The following CD96 variants were observed in gnomAD, a reference collection of about 807,000 sequenced individuals.
The protein encoded by CD96 is CD96 molecule, also known as T-cell surface protein tactile.
In CD96, 70 loss-of-function variants were observed where a neutral mutation model predicts 71.3. The ratio of observed to expected loss-of-function variants is 0.98; its 90% CI spans 0.81 to 1.20. CD96 has a LOEUF of 1.20. Ranked by LOEUF, CD96 falls within the 50% of genes most tolerant of loss-of-function variation. The pLI is 0.00. For synonymous variants in CD96, 248 were observed against 233.0 expected (o/e 1.06, Z -0.59); for missense variants, 742 against 677.5 (o/e 1.10, Z -1.06).
chr3:111,595,973 C>G (rs1358228389), intron 5 of CD96, among the ~76,000 whole-genome samples: 1 of 151,770 alleles, frequency 6.6e-6, no homozygotes, highest in Non-Finnish European at 1.5e-5. Context: ...GCCAGCTTGG[C>G]CAACATTGTG....
intron 2 of CD96, among the ~76,000 whole-genome samples, chr3:111,563,904 T>C (rs1167107798): frequency 6.6e-6 from 1 of 152,316 alleles, no homozygotes; most frequent in Admixed American, 6.5e-5. Flanking sequence ...TGTGTAACTC[T>C]AACATCTTTC....
chr3:111,593,874 G>A (rs1158756533), intron 5 of CD96: 1 of 1,613,690 alleles, frequency 6.2e-7, no homozygotes, highest in Non-Finnish European at 8.5e-7. Flanking sequence ...CTCTTCTCCA[G>A]CTCCTCTCTG....
At chr3:111,638,869 G>A (rs1263440738) in intron 12 of CD96, among the ~76,000 whole-genome samples, 2 of 152,128 alleles carry the variant, frequency 1.3e-5, no homozygotes, top group African/African-American at 4.8e-5. Context: ...ATATATTGGT[G>A]CCTTAAAGAG....
At chr3:111,619,343 C>A (rs1254698975) in intron 8 of CD96, among the ~76,000 whole-genome samples, 2 of 152,162 alleles carry the variant, frequency 1.3e-5, no homozygotes, top group African/African-American at 4.8e-5. Context: ...CCTCATGTAA[C>A]CTCATGGCCA....
At chr3:111,646,611 G>A (rs940374492) in intron 12 of CD96, among the ~76,000 whole-genome samples, 10 of 151,678 alleles carry the variant, frequency 6.6e-5, no homozygotes, top group Non-Finnish European at 1.3e-4. Context: ...ATACACTGCC[G>A]GTGGGAATGT....
intron 3 of CD96, chr3:111,570,619 C>A (rs1015929027): frequency 2.5e-6 from 4 of 1,584,978 alleles, no homozygotes; most frequent in Non-Finnish European, 3.5e-6. Flanking sequence ...ATGTGAGACA[C>A]CAGGCGCATG....
downstream of CD96, among the ~76,000 whole-genome samples, chr3:111,654,421 G>A (rs1422247418): frequency 6.6e-6 from 1 of 152,206 alleles, no homozygotes; most frequent in Admixed American, 6.5e-5. Flanking sequence ...TGGAATTATT[G>A]TTAAAGCTTG....
At chr3:111,655,233 T>G (rs918717310), downstream of CD96, among the ~76,000 whole-genome samples, 13 of 152,340 alleles carry the variant, frequency 8.5e-5, no homozygotes, top group African/African-American at 3.1e-4. Flanking sequence ...TTGATTTTAA[T>G]TTTGTGGCTA....
At chr3:111,578,641 A>C (rs935293021) in intron 3 of CD96, among the ~76,000 whole-genome samples, 2 of 152,244 alleles carry the variant, frequency 1.3e-5, no homozygotes, top group Non-Finnish European at 2.9e-5. Flanking sequence ...TGAAGATTTT[A>C]TGAAATCTTC....
At chr3:111,596,373 G>A (rs1937262871) in intron 5 of CD96, among the ~76,000 whole-genome samples, 1 of 152,136 alleles carries the variant, frequency 6.6e-6, no homozygotes, top group Non-Finnish European at 1.5e-5. Flanking sequence ...AAAGTCTAGA[G>A]AGAGTCTAGA....
chr3:111,606,104 C>T (rs752461462), intron 7 of CD96, among the ~76,000 whole-genome samples: 8 of 152,044 alleles, frequency 5.3e-5, no homozygotes, highest in Non-Finnish European at 1.0e-4. Flanking sequence ...TCTGTTTCAA[C>T]TCCCCCCAAC....
intron 12 of CD96, among the ~76,000 whole-genome samples, chr3:111,644,632 C>G (rs1165053684): frequency 6.6e-6 from 1 of 151,796 alleles, no homozygotes; most frequent in East Asian, 1.9e-4. Context: ...CAAAGAACTA[C>G]TATCCAGAAT....
At chr3:111,623,968 C>T (rs778383053) in intron 9 of CD96, 146 bp downstream of exon 9, 161 of 706,424 alleles carry the variant, frequency 2.3e-4, no homozygotes, top group South Asian at 6.0e-4. Flanking sequence ...GGTTACTCTG[C>T]GGTGACTATA....
At chr3:111,554,069 C>T (rs1351182666) in intron 2 of CD96, among the ~76,000 whole-genome samples, 1 of 152,006 alleles carries the variant, frequency 6.6e-6, no homozygotes, top group Non-Finnish European at 1.5e-5. Flanking sequence ...AGAATTCACT[C>T]ATAATTTCTG....
chr3:111,641,360 A>G (rs1939582159), intron 12 of CD96, among the ~76,000 whole-genome samples: 1 of 152,280 alleles, frequency 6.6e-6, no homozygotes, highest in Admixed American at 6.5e-5. Context: ...CTCATATCAG[A>G]CAAAACAAAC....
At chr3:111,601,123 C>G (rs1937479149) in intron 7 of CD96, among the ~76,000 whole-genome samples, 1 of 152,134 alleles carries the variant, frequency 6.6e-6, no homozygotes, top group African/African-American at 2.4e-5. Flanking sequence ...ATAGTTGATT[C>G]ATGTTTTCAC....
chr3:111,554,520 C>T (rs923542154), intron 2 of CD96, among the ~76,000 whole-genome samples: 2 of 151,806 alleles, frequency 1.3e-5, no homozygotes, highest in Non-Finnish European at 2.9e-5. Context: ...TCTTTTTTTG[C>T]AACTTGCTCC....
chr3:111,592,964 G>C (rs760554176), intron 5 of CD96: 1 of 152,208 alleles, frequency 6.6e-6, no homozygotes, highest in African/African-American at 2.4e-5. Context: ...AGAAAGAGAC[G>C]CATTGGAAAG....
At chr3:111,570,765 T>A in intron 3 of CD96, 1 of 1,613,558 alleles carries the variant, frequency 6.2e-7, no homozygotes, top group Non-Finnish European at 8.5e-7. Context: ...CCCCTCCTCA[T>A]CCTCTAGATC....
Sources: allele counts gnomAD v4.1 joint callset (sites outside exome capture counted in the v4.1 genomes callset), GRCh38; gene constraint gnomAD v4.1.1; transcripts MANE v1.5; gene names NCBI Gene and HGNC (gene_info 2026-07-23, HGNC 2026-07-21).